PABPC4L: variants seen among roughly 807,000 people sequenced by gnomAD.
PABPC4L encodes the protein poly(A) binding protein cytoplasmic 4 like.
For synonymous variants in PABPC4L, 169 were observed against 164.1 expected (o/e 1.03, Z -0.23); for missense variants, 452 against 451.4 (o/e 1.00, Z -0.01).
rs1449093269 is a variant in PABPC4L at position 134,197,040 on chromosome 4, T to C, written c.*2867A>G. ...GAACAGTTTTACAGATTAGCTTTCC[T>C]AAATTAAGATGTAGACTAGATTATC... On this transcript the variant is annotated 3_prime_UTR_variant, in exon 2 of 2. Coordinates refer to ENST00000421491, the MANE Select transcript of PABPC4L (RefSeq NM_001114734.2). 2 of 151,746 alleles carry C rather than the reference T, an allele frequency of 1.3e-5. No individual in the cohort carries two copies. Among genetic ancestry groups the C allele is most frequent in the Non-Finnish European group, 3.0e-5 (2 of 67,666 alleles). 9.4% of individuals were successfully genotyped at this position (151,746 alleles called of 1,614,324 possible).
chr4:134,113,169 TAA>T, the PABPC4L span, among the ~76,000 whole-genome samples: 1 of 151,882 alleles, frequency 6.6e-6, no homozygotes, highest in Admixed American at 6.6e-5. Flanking sequence ...TCAAAATGTT[TAA>T]GAGTTTAGAA....
the PABPC4L span, among the ~76,000 whole-genome samples, chr4:134,187,678 C>T: frequency 3.9e-5 from 6 of 151,938 alleles, no homozygotes; most frequent in Non-Finnish European, 7.4e-5. Context: ...ATGTAATGCC[C>T]TTCTTTTTTC....
the PABPC4L span, among the ~76,000 whole-genome samples, chr4:134,053,859 G>A: frequency 5.7e-4 from 86 of 151,998 alleles, no homozygotes; most frequent in African/African-American, 2.0e-3. Context: ...ATGACGAAAA[G>A]TAATTCTGAG....
Position 134,201,105 on chromosome 4 carries a change from G to C in PABPC4L, c.-86C>G. 6.4e-7 allele frequency: 1 copy of C among 1,550,704 alleles called. No homozygotes were observed. The highest frequency in any genetic ancestry group is 8.7e-7 in the Non-Finnish European group (1 of 1,146,874). On this transcript the variant is annotated 5_prime_UTR_variant, in exon 2 of 2. Coordinates refer to ENST00000421491, the MANE Select transcript of PABPC4L (RefSeq NM_001114734.2). Reference sequence around the variant, plus strand: ...GGATACTAGGTCACAGCTTTGGCCCGGTTCAAGTGTGGAGGCCTCGGGATC... The same window carrying C: ...GGATACTAGGTCACAGCTTTGGCCCCGTTCAAGTGTGGAGGCCTCGGGATC...
chr4:134,156,700 T>C, the PABPC4L span, among the ~76,000 whole-genome samples: 1 of 152,004 alleles, frequency 6.6e-6, no homozygotes, highest in East Asian at 1.9e-4. Flanking sequence ...ATCTTAAATA[T>C]TTCAGTAATA....
the PABPC4L span, among the ~76,000 whole-genome samples, chr4:133,948,958 T>A: frequency 6.6e-6 from 1 of 152,148 alleles, no homozygotes; most frequent in African/African-American, 2.4e-5. Context: ...TGAGCTCAAG[T>A]TTGAGTTGGT....
chr4:133,978,799 T>C, the PABPC4L span: 1 of 152,192 alleles, frequency 6.6e-6, no homozygotes, highest in African/African-American at 2.4e-5. Flanking sequence ...TCACTAACTT[T>C]AGCAAATTGC....
the PABPC4L span, among the ~76,000 whole-genome samples, chr4:134,006,227 C>G: frequency 2.6e-5 from 4 of 151,606 alleles, no homozygotes; most frequent in Non-Finnish European, 5.9e-5. Context: ...TAATTTTCAT[C>G]TAGTTCAATT....
the PABPC4L span, among the ~76,000 whole-genome samples, chr4:133,967,149 G>T: frequency 6.6e-6 from 1 of 152,012 alleles, no homozygotes; most frequent in Non-Finnish European, 1.5e-5. Flanking sequence ...AGAAAATCAA[G>T]AGTTCAGTTT....
At chr4:134,191,359 G>C (rs1179907258), downstream of PABPC4L, among the ~76,000 whole-genome samples, 2 of 151,988 alleles carry the variant, frequency 1.3e-5, no homozygotes. Flanking sequence ...CATATCTATA[G>C]AGTACTCCAG....
At chr4:134,132,723 G>A in the PABPC4L span, among the ~76,000 whole-genome samples, 1 of 151,322 alleles carries the variant, frequency 6.6e-6, no homozygotes, top group Non-Finnish European at 1.5e-5. Context: ...TTACCCAGAG[G>A]AACATAAGTC....
the PABPC4L span, among the ~76,000 whole-genome samples, chr4:133,977,175 T>G: frequency 6.6e-6 from 1 of 152,182 alleles, no homozygotes; most frequent in African/African-American, 2.4e-5. Context: ...TAGGGACTCC[T>G]GTCCCTATTG....
At chr4:134,016,640 T>A in the PABPC4L span, among the ~76,000 whole-genome samples, 13 of 152,180 alleles carry the variant, frequency 8.5e-5, no homozygotes, top group Non-Finnish European at 1.6e-4. Context: ...CAAATGGTTC[T>A]TAGACCAAGG....
At chr4:134,144,063 C>T in the PABPC4L span, among the ~76,000 whole-genome samples, 262 of 151,652 alleles carry the variant, frequency 1.7e-3, no homozygotes, top group African/African-American at 6.1e-3. Flanking sequence ...TGAAATAGTA[C>T]AAGATTTGGA....
chr4:134,017,916 T>C, the PABPC4L span, among the ~76,000 whole-genome samples: 1 of 151,924 alleles, frequency 6.6e-6, no homozygotes, highest in African/African-American at 2.4e-5. Flanking sequence ...ATTTTCGCCG[T>C]CCCAACACTT....
the PABPC4L span, among the ~76,000 whole-genome samples, chr4:134,143,366 A>G: frequency 6.7e-6 from 1 of 150,180 alleles, no homozygotes; most frequent in Non-Finnish European, 1.5e-5. Context: ...ATATTTATGC[A>G]CATATGTAAT....
At chr4:134,079,416 T>TA in the PABPC4L span, among the ~76,000 whole-genome samples, 120,743 of 147,570 alleles carry the variant, frequency 0.82, 49,867 homozygotes, top group East Asian at 1. Context: ...CCATCTTTAC[T>TA]AAAAAAAAAT....
chr4:134,072,298 G>A, the PABPC4L span, among the ~76,000 whole-genome samples: 3 of 152,230 alleles, frequency 2.0e-5, no homozygotes, highest in South Asian at 6.2e-4. Flanking sequence ...CCCCAGAGTT[G>A]ATGTGAGTCT....
At chr4:134,078,106 C>T in the PABPC4L span, among the ~76,000 whole-genome samples, 2 of 152,074 alleles carry the variant, frequency 1.3e-5, no homozygotes, top group Admixed American at 1.3e-4. Flanking sequence ...TAAGTGATAA[C>T]TAACCTAAAA....
Sources: gnomAD v4.1 joint callset for allele counts (sites outside exome capture counted in the v4.1 genomes callset) on GRCh38, gnomAD v4.1.1 for gene constraint, MANE v1.5 for transcripts, NCBI Gene and HGNC (gene_info 2026-07-23, HGNC 2026-07-21) for gene names.